Variants in SNX13 observed in about 807,000 individuals in gnomAD.
SNX13 encodes sorting nexin 13, also known as sorting nexin-13.
SNX13 carries 45 observed loss-of-function variants against 133.6 expected under a neutral mutation model. The ratio of observed to expected loss-of-function variants is 0.34; its 90% CI spans 0.27 to 0.43. SNX13 has a LOEUF of 0.43. SNX13 is among the 20% of genes least tolerant of loss of function. SNX13 has a pLI of 1.00. For missense variants in SNX13, 1,032 were observed against 1,145.1 expected, an observed-to-expected ratio of 0.90 and a Z score of 1.43; for synonymous variants, 414 against 373.9, an observed-to-expected ratio of 1.11 and a Z score of -1.24.
chr7:17,794,350 T>C, intron 25 of SNX13, 58 bp from the exon 26 acceptor site: 3 of 1,529,816 alleles, frequency 2.0e-6, no homozygotes, highest in East Asian at 2.3e-5. Flanking sequence ...AGGCCTAAAC[T>C]CTTAAATGTT....
chr7:17,829,477 G>C (rs372016988), intron 16 of SNX13, among the ~76,000 whole-genome samples: 1 of 151,364 alleles, frequency 6.6e-6, no homozygotes, highest in South Asian at 2.1e-4. Context: ...TAATCATTAA[G>C]GATGTAGTTG....
intron 5 of SNX13, among the ~76,000 whole-genome samples, chr7:17,883,934 G>T (rs1795669098): frequency 6.6e-6 from 1 of 152,116 alleles, no homozygotes; most frequent in African/African-American, 2.4e-5. Context: ...TTATTGGACA[G>T]TTATGCTCAT....
At chr7:17,829,913 G>A in intron 16 of SNX13, 97 bp downstream of exon 16, 1 of 803,360 alleles carries the variant, frequency 1.2e-6, no homozygotes, top group Non-Finnish European at 1.9e-6. Flanking sequence ...GGATGATTTG[G>A]GGCCTTCTTT....
intron 13 of SNX13, among the ~76,000 whole-genome samples, chr7:17,837,237 G>A (rs1789245974): frequency 6.6e-6 from 1 of 151,972 alleles, no homozygotes; most frequent in Non-Finnish European, 1.5e-5. Context: ...CTGGGATCAA[G>A]CACCTGGTTC....
chr7:17,808,403 G>C (rs1053983339), intron 20 of SNX13, among the ~76,000 whole-genome samples: 1 of 152,096 alleles, frequency 6.6e-6, no homozygotes, highest in African/African-American at 2.4e-5. Context: ...CAAGATTAGA[G>C]AAAAAAGAAT....
chr7:17,820,874 CTTTTT>C (rs1276769971), intron 18 of SNX13, among the ~76,000 whole-genome samples: 3 of 151,608 alleles, frequency 2.0e-5, no homozygotes, highest in South Asian at 4.1e-4. Context: ...CATCAAAGAT[CTTTTT>C]TTTAAGTTGA....
chr7:17,813,324 T>C (rs149464174), intron 20 of SNX13, among the ~76,000 whole-genome samples: 1 of 152,274 alleles, frequency 6.6e-6, no homozygotes, highest in African/African-American at 2.4e-5. Flanking sequence ...GCATCTCTAG[T>C]GACAATAAAA....
intron 1 of SNX13, among the ~76,000 whole-genome samples, chr7:17,939,617 A>T (rs60359119): frequency 0.024 from 3,695 of 152,322 alleles, 146 homozygotes; most frequent in African/African-American, 0.084. Context: ...GGTCCAAAGA[A>T]AAAAACTATT....
intron 13 of SNX13, among the ~76,000 whole-genome samples, chr7:17,838,155 A>G (rs534157116): frequency 1.3e-5 from 2 of 152,142 alleles, no homozygotes; most frequent in East Asian, 3.9e-4. Context: ...TTCTATAGCT[A>G]GCAAGAATCA....
At chr7:17,801,803 G>A in intron 21 of SNX13, 144 bp from the exon 22 acceptor site, 4 of 524,750 alleles carry the variant, frequency 7.6e-6, no homozygotes, top group Middle Eastern at 3.0e-4. Flanking sequence ...TCTAAAATTT[G>A]GAACCAAATA....
intron 1 of SNX13, among the ~76,000 whole-genome samples, chr7:17,930,755 G>A (rs1296791828): frequency 3.9e-5 from 6 of 152,136 alleles, no homozygotes; most frequent in Non-Finnish European, 7.4e-5. Context: ...GAATCAGGCC[G>A]CACAGAAGGA....
intron 3 of SNX13, among the ~76,000 whole-genome samples, chr7:17,892,515 T>A (rs533493322): frequency 6.7e-5 from 10 of 149,846 alleles, no homozygotes; most frequent in South Asian, 4.2e-4. Context: ...AAAAAAAAAA[T>A]ACATATTAAT....
chr7:17,891,738 A>G, intron 3 of SNX13, 103 bp from the exon 4 acceptor site: 2 of 685,290 alleles, frequency 2.9e-6, no homozygotes, highest in East Asian at 5.5e-5. Context: ...CATTATCCTC[A>G]AGTAAATAAA....
At chr7:17,891,008 C>G (rs1402267882) in intron 4 of SNX13, among the ~76,000 whole-genome samples, 2 of 151,668 alleles carry the variant, frequency 1.3e-5, no homozygotes, top group Non-Finnish European at 2.9e-5. Flanking sequence ...GTACATAATA[C>G]AACTCAATGT....
rs1409874543 is a variant in SNX13, at chr7:17,893,418, G to T, written c.142C>A (p.Leu48Ile). 2 of 1,559,698 alleles carry T rather than the reference G, an allele frequency of 1.3e-6. No homozygotes were observed. The highest frequency in any genetic ancestry group is 1.7e-6 in the Non-Finnish European group (2 of 1,150,406). Residue 48 changes from leucine to isoleucine, a missense_variant, in exon 3 of 26, where the codon CTC (leucine) becomes ATC (isoleucine). Transcript: ENST00000428135. ...CFVGGGLVVTLLFGKTNSEKY... is the reference protein window; with the variant it reads ...CFVGGGLVVTILFGKTNSEKY... ...TCTGAGTTTGTTTTTCCAAACAGGA[G>T]AGTAACCACTAAACCCCTAGAAAGA...
chr7:17,931,900 C>T (rs1018373815), intron 1 of SNX13, among the ~76,000 whole-genome samples: 2 of 152,142 alleles, frequency 1.3e-5, no homozygotes, highest in East Asian at 1.9e-4. Flanking sequence ...GATGGGCAAA[C>T]GACATAACAG....
At position 17,940,319 on chromosome 7, in the gene SNX13, T is replaced by C. The variant is rs1583877284; in HGVS notation, c.-24A>G. The C allele has an allele frequency of 1.9e-6, 3 of 1,563,660 alleles. No homozygotes were observed. The highest frequency in any genetic ancestry group is 2.6e-6 in the Non-Finnish European group (3 of 1,154,182). ...ATTATTACACCCCGGGGAAGTGAGG[T>C]CCTCCCTAGCCTCGCCTCATGGCAA... On this transcript the variant is annotated 5_prime_UTR_variant, in exon 1 of 26. Coordinates refer to ENST00000428135, the MANE Select transcript of SNX13 (RefSeq NM_015132.5).
intron 17 of SNX13, 46 bp downstream of exon 17, chr7:17,825,976 A>G: frequency 7.7e-7 from 1 of 1,296,180 alleles, no homozygotes; most frequent in Non-Finnish European, 1.1e-6. Context: ...TAGGGATATA[A>G]TAATACATAG....
At chr7:17,859,786 C>T (rs1237936788) in intron 9 of SNX13, among the ~76,000 whole-genome samples, 1 of 152,152 alleles carries the variant, frequency 6.6e-6, no homozygotes, top group East Asian at 1.9e-4. Context: ...TTTCACTTAA[C>T]ACAGTATTCT....
Sources: allele counts gnomAD v4.1 joint callset (sites outside exome capture counted in the v4.1 genomes callset), GRCh38; gene constraint gnomAD v4.1.1; transcripts MANE v1.5; gene names NCBI Gene and HGNC (gene_info 2026-07-23, HGNC 2026-07-21).